DGKB: variants seen among roughly 807,000 people sequenced by gnomAD.
DGKB encodes 90 kDa diacylglycerol kinase.
DGKB carries 67 observed loss-of-function variants against 114.3 expected under a neutral mutation model. That is an observed-to-expected ratio of 0.59 (90% confidence interval 0.48 to 0.72). The LOEUF is 0.72. Ranked by LOEUF, DGKB falls within the 30% of genes least tolerant of loss-of-function variation. DGKB has a pLI of 0.00. For synonymous variants in DGKB, 398 were observed against 323.1 expected, an observed-to-expected ratio of 1.23 and a Z score of -2.49; for missense variants, 907 against 975.2, an observed-to-expected ratio of 0.93 and a Z score of 0.93.
chr7:14,639,214 G>GA (rs956556696), intron 13 of DGKB, among the ~76,000 whole-genome samples: 2 of 151,952 alleles, frequency 1.3e-5, no homozygotes, highest in African/African-American at 4.8e-5. Flanking sequence ...GAGAATTGAA[G>GA]AAAAAACTGA....
Position 14,843,398 on chromosome 7 carries a change from A to C in DGKB, c.-187-1948T>G, listed in dbSNP as rs535514018. Among the ~76,000 whole-genome samples, 70 of 125,268 alleles carry C rather than the reference A, an allele frequency of 5.6e-4. No individual in the cohort carries two copies. In the Admixed American group the frequency reaches 5.9e-3, roughly 11 times the overall value. 82.2% of individuals were successfully genotyped at this position (125,268 alleles called of 152,430 possible). On this transcript the variant is annotated intron_variant, in intron 1 of 25. Coordinates refer to ENST00000402815, the MANE Select transcript of DGKB (RefSeq NM_001350709.2). Reference sequence around the variant, plus strand: ...GCCGGACTGCGGACTGCAGTGGCGCAATCTCGGCTCACTGCAAGCTCCGCT... The same window carrying C: ...GCCGGACTGCGGACTGCAGTGGCGCCATCTCGGCTCACTGCAAGCTCCGCT...
intron 17 of DGKB, among the ~76,000 whole-genome samples, chr7:14,596,642 C>A (rs545846550): frequency 4.6e-5 from 7 of 152,164 alleles, no homozygotes; most frequent in African/African-American, 1.7e-4. Context: ...TGCTCATGCT[C>A]ATTCCAATGC....
At chr7:14,862,383 T>C (rs1851111419) in intron 1 of DGKB, among the ~76,000 whole-genome samples, 1 of 152,110 alleles carries the variant, frequency 6.6e-6, no homozygotes, top group Admixed American at 6.5e-5. Context: ...ATTACCATGC[T>C]GTACACTACA....
intron 20 of DGKB, among the ~76,000 whole-genome samples, chr7:14,548,465 G>A (rs532248085): frequency 6.6e-6 from 1 of 152,180 alleles, no homozygotes; most frequent in Non-Finnish European, 1.5e-5. Context: ...AAAATGGACA[G>A]GAGCTAGCCT....
At chr7:14,756,342 TA>T (rs1834863061) in intron 3 of DGKB, among the ~76,000 whole-genome samples, 1 of 152,036 alleles carries the variant, frequency 6.6e-6, no homozygotes, top group Non-Finnish European at 1.5e-5. Context: ...CTCAGTTTTG[TA>T]AGTTTAGCTG....
intron 20 of DGKB, among the ~76,000 whole-genome samples, chr7:14,487,639 C>T (rs1784020627): frequency 7.2e-6 from 1 of 138,680 alleles, no homozygotes; most frequent in African/African-American, 2.6e-5. Flanking sequence ...GGCTGGAGTG[C>T]AGTGGTGACA....
intron 1 of DGKB, among the ~76,000 whole-genome samples, chr7:14,860,833 A>C (rs1850869068): frequency 6.6e-6 from 1 of 151,886 alleles, no homozygotes; most frequent in Non-Finnish European, 1.5e-5. Context: ...AAACTGTATA[A>C]ATATGGATGC....
chr7:14,420,947 C>A (rs1156536783), intron 21 of DGKB, among the ~76,000 whole-genome samples: 6 of 152,180 alleles, frequency 3.9e-5, no homozygotes, highest in African/African-American at 1.4e-4. Flanking sequence ...CCTTCCACAA[C>A]CCCCACCCCC....
intron 15 of DGKB, among the ~76,000 whole-genome samples, chr7:14,619,028 C>T (rs907241098): frequency 6.6e-6 from 1 of 151,330 alleles, no homozygotes; most frequent in Admixed American, 6.6e-5. Flanking sequence ...AATAGCTATC[C>T]AGAACTTTAT....
At chr7:14,607,877 T>A (rs976881018) in intron 16 of DGKB, among the ~76,000 whole-genome samples, 2 of 151,986 alleles carry the variant, frequency 1.3e-5, no homozygotes, top group African/African-American at 4.8e-5. Flanking sequence ...TGCCTAAATA[T>A]CTTCTCTCAG....
At position 14,453,793 on chromosome 7, in the gene DGKB, A is replaced by G. The variant is rs183049386; in HGVS notation, c.1835+24368T>C. On this transcript the variant is annotated intron_variant, in intron 21 of 25. Transcript: ENST00000402815. ...TTGTAGTTCAAATGCAGCCAAAGAT[A>G]GCAGAAAAACAAGTGACCTTGGTTG... Among the ~76,000 whole-genome samples, 616 of 152,268 alleles carry G rather than the reference A, an allele frequency of 4.0e-3. 5 individuals are homozygous for G. Among genetic ancestry groups the G allele is most frequent in the African/African-American group, 0.014 (600 of 41,566 alleles).
chr7:14,545,185 G>A (rs1328107170), intron 20 of DGKB, among the ~76,000 whole-genome samples: 1 of 151,944 alleles, frequency 6.6e-6, no homozygotes, highest in Non-Finnish European at 1.5e-5. Context: ...CTAAAAAAAT[G>A]TTAGGCTAAT....
chr7:14,582,141 G>A (rs542437321), intron 18 of DGKB, among the ~76,000 whole-genome samples: 2 of 152,126 alleles, frequency 1.3e-5, no homozygotes, highest in Admixed American at 6.5e-5. Flanking sequence ...GAATCAATTC[G>A]TTTTATGAAA....
intron 23 of DGKB, among the ~76,000 whole-genome samples, chr7:14,278,845 T>C (rs972068775): frequency 6.6e-6 from 1 of 152,176 alleles, no homozygotes; most frequent in South Asian, 2.1e-4. Context: ...GTAAAATGTT[T>C]ATTATTTTAA....
chr7:14,937,573 T>C (rs1421898497), intron 1 of DGKB, among the ~76,000 whole-genome samples: 1 of 152,150 alleles, frequency 6.6e-6, no homozygotes, highest in African/African-American at 2.4e-5. Flanking sequence ...AAGGAAGTAA[T>C]CTTAGCATCT....
chr7:14,956,168 T>C (rs116660601), intron 1 of DGKB, among the ~76,000 whole-genome samples: 2,151 of 152,066 alleles, frequency 0.014, 43 homozygotes, highest in African/African-American at 0.048. Context: ...ATTTTTCAAA[T>C]AGAGATTAGG....
intron 6 of DGKB, among the ~76,000 whole-genome samples, chr7:14,706,092 A>T (rs1826174428): frequency 6.8e-6 from 1 of 147,098 alleles, no homozygotes; most frequent in African/African-American, 2.6e-5. Flanking sequence ...AGAGACACAC[A>T]TAGGCTCAAA....
chr7:14,749,534 A>C (rs1053321373), intron 4 of DGKB, among the ~76,000 whole-genome samples: 7 of 152,188 alleles, frequency 4.6e-5, no homozygotes, highest in Admixed American at 4.6e-4. Context: ...ACTAATTACA[A>C]AAAGCAAATA....
At chr7:14,604,488 C>T (rs1311532660) in intron 17 of DGKB, among the ~76,000 whole-genome samples, 1 of 152,018 alleles carries the variant, frequency 6.6e-6, no homozygotes, top group East Asian at 1.9e-4. Context: ...GAATGCATAA[C>T]CACAGGTTTA....
Sources: allele counts gnomAD v4.1 joint callset (sites outside exome capture counted in the v4.1 genomes callset), GRCh38; gene constraint gnomAD v4.1.1; transcripts MANE v1.5; gene names NCBI Gene and HGNC (gene_info 2026-07-23, HGNC 2026-07-21).